The following MYBPC1 variants were observed in gnomAD, a reference collection of about 807,000 sequenced individuals.
MYBPC1 encodes myosin-binding protein C, slow-type.
Under a neutral mutation model 147.1 loss-of-function variants are expected in MYBPC1, and 52 were observed. That is an observed-to-expected ratio of 0.35 (90% CI 0.28 to 0.45). The LOEUF is 0.45. MYBPC1 is among the 20% of genes least tolerant of loss of function. MYBPC1 has a pLI of 1.00. For missense variants in MYBPC1, 1,228 were observed against 1,440.3 expected (o/e 0.85, Z 2.39); for synonymous variants, 477 against 475.9 (o/e 1.00, Z -0.03).
At chr12:101,604,477 C>T (rs947807884) in intron 1 of MYBPC1, among the ~76,000 whole-genome samples, 1 of 152,138 alleles carries the variant, frequency 6.6e-6, no homozygotes, top group African/African-American at 2.4e-5. Flanking sequence ...TTGAATCATT[C>T]TGAATAGCTG....
chr12:101,682,608 A>G lies in MYBPC1; in HGVS notation c.3438A>G (p.Ile1146Met). Reference sequence around the variant, plus strand: ...ACAAATATTCTGATTCTGCAGTGATATATCAAGGAGTAAATACCCCTGGAC... The same window carrying G: ...ACAAATATTCTGATTCTGCAGTGATGTATCAAGGAGTAAATACCCCTGGAC... ...EIECKLEVKV[I>M]YQGVNTPGQP... The change falls in exon 30 of 32, where the codon ATA (isoleucine) becomes ATG (methionine). Residue 1146 changes from isoleucine (I) to methionine (M), a missense_variant. Ile to Met is a conservative substitution (Grantham distance 10, BLOSUM62 1). Transcript: ENST00000361466. The G allele has an allele frequency of 1.2e-6, 2 of 1,612,570 alleles. No individual in the cohort carries two copies. The highest frequency in any genetic ancestry group is 1.7e-5 in the Admixed American group (1 of 60,012).
At chr12:101,653,304 C>G (rs779918514) in intron 18 of MYBPC1, 56 bp downstream of exon 18, 143 of 1,595,742 alleles carry the variant, frequency 9.0e-5, no homozygotes, top group Non-Finnish European at 1.1e-4. Flanking sequence ...AGACACACTG[C>G]CTACCCCACC....
chr12:101,689,527 G>GACTA (rs1951389156), downstream of MYBPC1, among the ~76,000 whole-genome samples: 3 of 151,970 alleles, frequency 2.0e-5, no homozygotes, highest in African/African-American at 7.3e-5. Context: ...TAACTTGACT[G>GACTA]TTATATTAGG....
intron 1 of MYBPC1, among the ~76,000 whole-genome samples, chr12:101,597,397 C>T (rs1877738872): frequency 6.6e-6 from 1 of 152,046 alleles, no homozygotes; most frequent in Non-Finnish European, 1.5e-5. Flanking sequence ...TGGTTTGGCC[C>T]TCCTAGGATC....
chr12:101,639,786 G>C (rs1283915729), intron 10 of MYBPC1, among the ~76,000 whole-genome samples: 2 of 151,872 alleles, frequency 1.3e-5, no homozygotes, highest in Admixed American at 6.6e-5. Context: ...ATTATATCTA[G>C]CTTGATAGCT....
chr12:101,677,500 T>C, intron 27 of MYBPC1, 106 bp downstream of exon 27: 1 of 1,345,624 alleles, frequency 7.4e-7, no homozygotes, highest in Non-Finnish European at 1.0e-6. Context: ...ATGGTAAATG[T>C]ACATTGTAAA....
chr12:101,688,998 C>G (rs1371597004), downstream of MYBPC1, among the ~76,000 whole-genome samples: 1 of 150,586 alleles, frequency 6.6e-6, no homozygotes, highest in Non-Finnish European at 1.5e-5. Context: ...GTACTTCGTG[C>G]CTTCAAGTAA....
chr12:101,636,915 T>G (rs567175448), intron 10 of MYBPC1, 187 bp downstream of exon 10: 3 of 583,142 alleles, frequency 5.1e-6, no homozygotes, highest in Middle Eastern at 2.9e-4. Flanking sequence ...TTTTAAAGCC[T>G]TTAACAGTTG....
chr12:101,618,815 A>G (rs912834679), intron 3 of MYBPC1, among the ~76,000 whole-genome samples: 1 of 151,628 alleles, frequency 6.6e-6, no homozygotes, highest in Non-Finnish European at 1.5e-5. Context: ...AAGCAAAACC[A>G]TGACCACATG....
intron 1 of MYBPC1, among the ~76,000 whole-genome samples, chr12:101,600,035 C>T (rs1659246814): frequency 6.6e-6 from 1 of 151,990 alleles, no homozygotes; most frequent in Non-Finnish European, 1.5e-5. Flanking sequence ...TCTGAAGCGC[C>T]CTAAATATAT....
intron 22 of MYBPC1, chr12:101,666,902 C>CAA: frequency 1.9e-6 from 1 of 523,694 alleles, no homozygotes; most frequent in South Asian, 1.6e-5. Flanking sequence ...CATACACACA[C>CAA]ACACACACAC....
chr12:101,682,562 T>G lies in MYBPC1; in HGVS notation c.3434-42T>G, dbSNP rs374874968. The G allele has an allele frequency of 9.3e-4, 1,454 of 1,569,412 alleles. 3 individuals are homozygous for G. The highest frequency in any genetic ancestry group is 1.2e-3 in the Non-Finnish European group (1,340 of 1,140,156). On this transcript the variant is annotated intron_variant, in intron 29 of 31. Coordinates refer to ENST00000361466, the MANE Select transcript of MYBPC1 (RefSeq NM_002465.4). ...TGTGAAAAAAGGTAAGAATGTCAAC[T>G]GAGAATAAATAAATACTGGTACAAA...
intron 19 of MYBPC1, chr12:101,660,045 C>T: frequency 3.3e-6 from 2 of 600,276 alleles, no homozygotes; most frequent in Non-Finnish European, 5.9e-6. Context: ...GTCATATTCC[C>T]TTTTGGTGCC....
At chr12:101,627,896 G>A in intron 5 of MYBPC1, 92 bp downstream of exon 5, 1 of 1,394,916 alleles carries the variant, frequency 7.2e-7, no homozygotes, top group Non-Finnish European at 1.0e-6. Context: ...TCTAATCCTT[G>A]TCTTATTCAG....
chr12:101,690,820 G>A (rs1302067420), downstream of MYBPC1, among the ~76,000 whole-genome samples: 1 of 152,128 alleles, frequency 6.6e-6, no homozygotes, highest in Non-Finnish European at 1.5e-5. Context: ...ATCTATTACT[G>A]AACACTGACT....
In MYBPC1 at chr12:101,682,654, C is replaced by A. The variant is rs1372886193; in HGVS notation, c.3484C>A (p.Gln1162Lys). Residue 1162 changes from glutamine to lysine, a missense_variant, in exon 30 of 32, where the codon CAG (glutamine) becomes AAG (lysine). By Grantham distance (53) the Gln-to-Lys change is moderately conservative. Around this residue, in one of 2 missense-constraint regions of MYBPC1, gnomAD observed 1,077 missense variants for 1,314.2 expected, o/e 0.82. Transcript: ENST00000361466. ...TPGQPVFLEG[Q>K]QQSLHNKDF is the part of the protein sequence containing the mutation. ...TGGACAACCAGTCTTCCTGGAGGGG[C>A]AGCAACAGGTTTAAAAAGTTTATAT... 1 of 1,612,632 alleles carries A rather than the reference C, an allele frequency of 6.2e-7. No homozygotes were observed. Among genetic ancestry groups the A allele is most frequent in the Non-Finnish European group, 8.5e-7 (1 of 1,178,786 alleles).
intron 28 of MYBPC1, 35 bp from the exon 29 acceptor site, chr12:101,680,308 T>A (rs1254650371): frequency 1.3e-6 from 2 of 1,592,302 alleles, no homozygotes; most frequent in Non-Finnish European, 1.7e-6. Context: ...ATTACAGATA[T>A]GTTTTGACCT....
chr12:101,678,369 T>G, intron 28 of MYBPC1, 131 bp downstream of exon 28: 4 of 1,312,284 alleles, frequency 3.0e-6, no homozygotes, highest in Non-Finnish European at 3.3e-6. Flanking sequence ...AAGGTGGTAG[T>G]GGTGGTAGAT....
chr12:101,686,407 A>G (rs552450511), downstream of MYBPC1, among the ~76,000 whole-genome samples: 7 of 152,350 alleles, frequency 4.6e-5, no homozygotes, highest in East Asian at 1.3e-3. Flanking sequence ...ACAGCTAGTC[A>G]TAGTGACAGA....
Sources: gnomAD v4.1 joint callset for allele counts (sites outside exome capture counted in the v4.1 genomes callset) on GRCh38, gnomAD v4.1.1 for gene constraint, gnomAD v4.1.1 regional missense constraint, MANE v1.5 for transcripts, NCBI Gene and HGNC (gene_info 2026-07-23, HGNC 2026-07-21) for gene names.